The following AASS variants were observed in gnomAD, a reference collection of about 807,000 sequenced individuals.
AASS encodes the protein aminoadipate-semialdehyde synthase.
A neutral mutation model predicts 105.4 loss-of-function variants in AASS; 86 were observed. That is an observed-to-expected ratio of 0.82 (90% CI 0.69 to 0.98). AASS has a LOEUF of 0.98. Among genes scored for constraint, AASS ranks in the 50% least tolerant of loss-of-function variants. The pLI, the probability that AASS is intolerant of heterozygous loss-of-function variation, is 0.00. For synonymous variants in AASS, 381 were observed against 394.8 expected (o/e 0.96, Z 0.41); for missense variants, 1,048 against 1,143.2 (o/e 0.92, Z 1.20).
chr7:122,122,360 C>T (rs1443740270), intron 4 of AASS, among the ~76,000 whole-genome samples: 1 of 152,092 alleles, frequency 6.6e-6, no homozygotes, highest in Non-Finnish European at 1.5e-5. Flanking sequence ...AACAAATGCT[C>T]TAATACGTGT....
chr7:122,100,730 A>G (rs1794386244), intron 13 of AASS, among the ~76,000 whole-genome samples: 1 of 151,858 alleles, frequency 6.6e-6, no homozygotes, highest in Admixed American at 6.6e-5. Context: ...CCAAAAAAAT[A>G]AAATCAATGT....
Position 122,073,959 on chromosome 7 carries a change from G to C in AASS, c.*2530C>G, listed in dbSNP as rs760943040. Among the ~76,000 whole-genome samples the C allele has an allele frequency of 6.6e-6, 1 of 151,896 alleles. No homozygotes were observed. Among genetic ancestry groups the C allele is most frequent in the Non-Finnish European group, 1.5e-5 (1 of 68,000 alleles). On this transcript the variant is annotated 3_prime_UTR_variant, in exon 24 of 24. Transcript: ENST00000417368. Reference sequence around the variant, plus strand: ...AATATTCCTTGTATGGATATGCCACGTTTTGTTTATTCACTTGTTAGTTGA... The same window carrying C: ...AATATTCCTTGTATGGATATGCCACCTTTTGTTTATTCACTTGTTAGTTGA...
intron 15 of AASS, 107 bp from the exon 16 acceptor site, chr7:122,093,265 T>C (rs754730541): frequency 3.5e-6 from 3 of 850,554 alleles, no homozygotes; most frequent in Admixed American, 3.9e-5. Flanking sequence ...CTGATTAAAT[T>C]ATTCTCTCAG....
intron 11 of AASS, among the ~76,000 whole-genome samples, chr7:122,101,989 T>G (rs1470186227): frequency 6.6e-6 from 1 of 151,850 alleles, no homozygotes; most frequent in Non-Finnish European, 1.5e-5. Context: ...TTAAGCATGT[T>G]GTCAAATATC....
intron 11 of AASS, among the ~76,000 whole-genome samples, chr7:122,102,298 T>A (rs1019499106): frequency 6.6e-5 from 10 of 152,008 alleles, no homozygotes; most frequent in Non-Finnish European, 1.5e-4. Flanking sequence ...AGATGTCTCA[T>A]GTTAACATTT....
chr7:122,118,775 C>G, intron 4 of AASS, 145 bp from the exon 5 acceptor site: 1 of 829,164 alleles, frequency 1.2e-6, no homozygotes, highest in Non-Finnish European at 2.0e-6. Flanking sequence ...TAGATTGTAT[C>G]CATCCTCTCA....
chr7:122,091,970 G>T, intron 17 of AASS, 127 bp from the exon 18 acceptor site: 1 of 677,234 alleles, frequency 1.5e-6, no homozygotes, highest in Non-Finnish European at 2.5e-6. Flanking sequence ...AGTTACTAAG[G>T]CATTCAAAAA....
chr7:122,136,756 A>G (rs891653113), intron 1 of AASS, among the ~76,000 whole-genome samples: 1 of 152,164 alleles, frequency 6.6e-6, no homozygotes, highest in African/African-American at 2.4e-5. Context: ...ATGAGTTGAA[A>G]TTCTTGACTC....
chr7:122,113,286 C>A, intron 10 of AASS, 57 bp from the exon 11 acceptor site: 6 of 1,458,422 alleles, frequency 4.1e-6, no homozygotes, highest in Non-Finnish European at 5.8e-6. Flanking sequence ...TAAGTTCTGA[C>A]TTTTCCAGAT....
Position 122,086,280 on chromosome 7 carries a change from A to AT in AASS, c.2017-102_2017-101insA. The AT allele has an allele frequency of 4.2e-6, 5 of 1,179,756 alleles. No individual in the cohort carries two copies. The South Asian group carries it at 6.9e-5, about 16-fold the overall frequency. 73.1% of individuals were successfully genotyped at this position (1,179,756 alleles called of 1,614,324 possible). On this transcript the variant is annotated intron_variant, in intron 18 of 23. Coordinates refer to ENST00000417368, the MANE Select transcript of AASS (RefSeq NM_005763.4). ...AAAGAAAGCAACAGAAATTTGAAAA[A>AT]AAAAATAAAAATAATGAAACCACCA...
chr7:122,139,240 T>C (rs1349405140), intron 1 of AASS, among the ~76,000 whole-genome samples: 1 of 152,154 alleles, frequency 6.6e-6, no homozygotes, highest in Non-Finnish European at 1.5e-5. Flanking sequence ...TTGATTCTCT[T>C]TAATTAAAAA....
intron 4 of AASS, 26 bp from the exon 5 acceptor site, chr7:122,118,656 A>C (rs1795304252): frequency 6.2e-7 from 1 of 1,608,274 alleles, no homozygotes; most frequent in African/African-American, 1.3e-5. Flanking sequence ...ACCAATAGAA[A>C]GACTATTAGT....
At chr7:122,092,725 A>C in intron 17 of AASS, 118 bp downstream of exon 17, 1 of 381,270 alleles carries the variant, frequency 2.6e-6, no homozygotes, top group Non-Finnish European at 4.1e-6. Context: ...ACTCAGTCTC[A>C]AAAAAAAAAA....
intron 1 of AASS, among the ~76,000 whole-genome samples, chr7:122,134,429 A>C (rs1036320707): frequency 2.0e-5 from 3 of 152,168 alleles, no homozygotes; most frequent in Middle Eastern, 6.3e-3. Flanking sequence ...TGCAGTGGTG[A>C]GATCATTGCT....
intron 18 of AASS, among the ~76,000 whole-genome samples, chr7:122,088,451 ATCT>A (rs1793736491): frequency 6.6e-6 from 1 of 152,104 alleles, no homozygotes; most frequent in Admixed American, 6.6e-5. Context: ...CCAAAGGCAA[ATCT>A]GAACCCAGTT....
chr7:122,125,338 A>G (rs1157892423), intron 4 of AASS, among the ~76,000 whole-genome samples: 1 of 152,228 alleles, frequency 6.6e-6, no homozygotes, highest in Non-Finnish European at 1.5e-5. Context: ...ATAAGCCATA[A>G]TAAGTGTTTG....
chr7:122,114,845 C>T (rs1370035021), intron 9 of AASS, among the ~76,000 whole-genome samples: 1 of 151,874 alleles, frequency 6.6e-6, no homozygotes, highest in African/African-American at 2.4e-5. Flanking sequence ...AGATTTAGAC[C>T]AGCCTGGGAA....
intron 2 of AASS, among the ~76,000 whole-genome samples, chr7:122,131,079 A>G (rs1251991976): frequency 6.6e-6 from 1 of 151,684 alleles, no homozygotes; most frequent in African/African-American, 2.4e-5. Context: ...AAACAAAAGT[A>G]ACCTCTTTGG....
rs76071670 is a variant in AASS at position 122,099,490 on chromosome 7, T to C, written c.1407-624A>G. 4.2e-4 allele frequency among the ~76,000 whole-genome samples: 64 copies of C among 152,008 alleles called. No individual in the cohort carries two copies. In the East Asian group the frequency reaches 9.8e-3, roughly 23 times the overall value. On this transcript the variant is annotated intron_variant, in intron 13 of 23. Transcript: ENST00000417368. The stretch of plus-strand genomic sequence containing the variant: ...ACAGTCTATTCTGCTGGAATTTATA[T>C]TAATACCTTCCAGGCAGATGACTTT...
Sources: gnomAD v4.1 joint callset for allele counts (sites outside exome capture counted in the v4.1 genomes callset) on GRCh38, gnomAD v4.1.1 for gene constraint, MANE v1.5 for transcripts, NCBI Gene and HGNC (gene_info 2026-07-23, HGNC 2026-07-21) for gene names.